MACROD2: variants seen among roughly 807,000 people sequenced by gnomAD.
MACROD2 encodes the protein mono-ADP ribosylhydrolase 2.
A neutral mutation model predicts 70.4 loss-of-function variants in MACROD2; 36 were observed. The observed-to-expected ratio is 0.51, with a 90% CI of 0.39 to 0.68. The LOEUF (loss-of-function observed/expected upper bound fraction) is 0.68, where lower values mean the gene tolerates loss of function less well. Among genes scored for constraint, MACROD2 ranks in the 30% least tolerant of loss-of-function variants. The pLI, the probability that MACROD2 is intolerant of heterozygous loss-of-function variation, is 0.00. For synonymous variants in MACROD2, 172 were observed against 178.8 expected, an observed-to-expected ratio of 0.96 and a Z score of 0.30; for missense variants, 496 against 538.4, an observed-to-expected ratio of 0.92 and a Z score of 0.78.
chr20:14,777,075 T>A (rs2072243538), intron 5 of MACROD2, among the ~76,000 whole-genome samples: 1 of 152,128 alleles, frequency 6.6e-6, no homozygotes, highest in South Asian at 2.1e-4. Context: ...TTGACGGGCA[T>A]TTGATTAGCT....
At chr20:14,275,826 CA>C (rs1378827742) in intron 3 of MACROD2, among the ~76,000 whole-genome samples, 7 of 152,012 alleles carry the variant, frequency 4.6e-5, no homozygotes, top group African/African-American at 1.7e-4. Context: ...AGGACATGAA[CA>C]GACACTTCTC....
intron 8 of MACROD2, among the ~76,000 whole-genome samples, chr20:15,564,803 T>C (rs1350750920): frequency 6.6e-6 from 1 of 152,226 alleles, no homozygotes; most frequent in Non-Finnish European, 1.5e-5. Context: ...TCATTATATA[T>C]GTATTTTTCC....
intron 8 of MACROD2, among the ~76,000 whole-genome samples, chr20:15,829,173 T>G (rs1337662592): frequency 6.6e-6 from 1 of 152,158 alleles, no homozygotes; most frequent in African/African-American, 2.4e-5. Flanking sequence ...AAAAGGATAT[T>G]ACTGTTCCTC....
At chr20:15,385,598 C>T (rs1029024439) in intron 6 of MACROD2, among the ~76,000 whole-genome samples, 1 of 152,226 alleles carries the variant, frequency 6.6e-6, no homozygotes, top group East Asian at 1.9e-4. Flanking sequence ...TCTCAGTGTC[C>T]TCTTGAGAAT....
intron 3 of MACROD2, among the ~76,000 whole-genome samples, chr20:14,151,201 ACATTATG>A (rs1302684663): frequency 1.3e-5 from 2 of 152,206 alleles, no homozygotes; most frequent in African/African-American, 2.4e-5. Context: ...TTTACATTAC[ACATTATG>A]CACTTAAAGG....
At chr20:14,198,319 T>A (rs905273110) in intron 3 of MACROD2, among the ~76,000 whole-genome samples, 1 of 152,126 alleles carries the variant, frequency 6.6e-6, no homozygotes, top group Non-Finnish European at 1.5e-5. Context: ...TTTATAGGAG[T>A]AAACAATGGA....
chr20:14,967,216 G>A (rs900974651), intron 5 of MACROD2, among the ~76,000 whole-genome samples: 1 of 151,724 alleles, frequency 6.6e-6, no homozygotes, highest in Non-Finnish European at 1.5e-5. Flanking sequence ...GTTTTGAGAC[G>A]GAGTCTCTCT....
rs551798015 is a variant in MACROD2 at position 14,679,752 on chromosome 20, T to A, written c.302-5091T>A. On this transcript the variant is annotated intron_variant, in intron 4 of 17. Coordinates refer to ENST00000684519, the MANE Select transcript of MACROD2 (RefSeq NM_001351661.2). ...TTTCTCCCACACGCTTTTTTTCAAG[T>A]GCCACAAATATAGCTCTGAAATAAT... Among the ~76,000 whole-genome samples, 5 of 152,022 alleles carry A rather than the reference T, an allele frequency of 3.3e-5. No individual in the cohort carries two copies. In the South Asian group the frequency reaches 1.0e-3, roughly 32 times the overall value.
chr20:14,782,154 C>T (rs2072310230), intron 5 of MACROD2, among the ~76,000 whole-genome samples: 1 of 151,970 alleles, frequency 6.6e-6, no homozygotes, highest in Non-Finnish European at 1.5e-5. Flanking sequence ...GAACTCCTGA[C>T]CTCAAGTGAT....
rs1568680636 is a variant in MACROD2 at position 14,577,795 on chromosome 20, A to AAGAGAAGAGAAGAGAAGAGAAGAGT, written c.301+84311_301+84312insTAGAGAAGAGAAGAGAAGAGAAGAG. Among the ~76,000 whole-genome samples, 60 of 18,832 alleles carry AAGAGAAGAGAAGAGAAGAGAAGAGT rather than the reference A, an allele frequency of 3.2e-3. No homozygotes were observed. In the Admixed American group the frequency reaches 0.033, roughly 10 times the overall value. The allele number at this position is 18,832 out of a possible 152,430, so 12.4% of individuals were successfully genotyped here. A position where few individuals can be genotyped will look rare whatever the true frequency, so the allele number is the denominator to read the frequency against. Reference sequence around the variant, plus strand: ...AGATCATTTCTTAAAAAGAAAAGGAAAGAGAAGAGAAGAGAAGAGAAGAGA... The same window carrying AAGAGAAGAGAAGAGAAGAGAAGAGT: ...AGATCATTTCTTAAAAAGAAAAGGAAAGAGAAGAGAAGAGAAGAGAAGAGTAGAGAAGAGAAGAGAAGAGAAGAGA... On this transcript the variant is annotated intron_variant, in intron 4 of 17. Coordinates refer to ENST00000684519, the MANE Select transcript of MACROD2 (RefSeq NM_001351661.2).
chr20:15,540,208 G>A (rs550207782), intron 8 of MACROD2, among the ~76,000 whole-genome samples: 7 of 152,318 alleles, frequency 4.6e-5, no homozygotes, highest in African/African-American at 1.4e-4. Flanking sequence ...TGGGGAAGTA[G>A]GATGGTGGGT....
At chr20:15,233,856 T>G (rs1198903175) in intron 6 of MACROD2, among the ~76,000 whole-genome samples, 1 of 149,958 alleles carries the variant, frequency 6.7e-6, no homozygotes, top group Non-Finnish European at 1.5e-5. Flanking sequence ...TCATGCCTCC[T>G]AGACCTAGTC....
intron 8 of MACROD2, among the ~76,000 whole-genome samples, chr20:15,667,279 G>C (rs1369659149): frequency 6.6e-6 from 1 of 152,082 alleles, no homozygotes; most frequent in Non-Finnish European, 1.5e-5. Context: ...CATATGATGT[G>C]CACGCTCCCG....
At chr20:15,523,492 G>A (rs867308876) in intron 8 of MACROD2, among the ~76,000 whole-genome samples, 5 of 152,086 alleles carry the variant, frequency 3.3e-5, no homozygotes, top group South Asian at 2.1e-4. Flanking sequence ...TTTTGTGCAG[G>A]GAGAGTTATT....
At chr20:15,066,386 G>A (rs988695199) in intron 5 of MACROD2, among the ~76,000 whole-genome samples, 2 of 151,480 alleles carry the variant, frequency 1.3e-5, no homozygotes, top group Non-Finnish European at 2.9e-5. Flanking sequence ...TGCCCACCTC[G>A]GCCTCCCAAA....
At chr20:14,491,934 A>C (rs1233325046) in intron 3 of MACROD2, among the ~76,000 whole-genome samples, 1 of 152,154 alleles carries the variant, frequency 6.6e-6, no homozygotes, top group East Asian at 1.9e-4. Flanking sequence ...GTGAAATTTC[A>C]TGTGGTTTTA....
chr20:15,500,086 A>AT (rs897952793), intron 8 of MACROD2, among the ~76,000 whole-genome samples: 13 of 152,174 alleles, frequency 8.5e-5, no homozygotes, highest in Non-Finnish European at 1.3e-4. Flanking sequence ...CCATAATCTA[A>AT]TTTTTTTACA....
At chr20:15,480,669 AT>A (rs1293447700) in intron 7 of MACROD2, among the ~76,000 whole-genome samples, 1 of 152,110 alleles carries the variant, frequency 6.6e-6, no homozygotes, top group African/African-American at 2.4e-5. Flanking sequence ...AGGATGGGAC[AT>A]TGGGAGAAAG....
chr20:15,906,212 C>T (rs1399931016), intron 10 of MACROD2, among the ~76,000 whole-genome samples: 1 of 152,206 alleles, frequency 6.6e-6, no homozygotes, highest in Non-Finnish European at 1.5e-5. Flanking sequence ...CATTCAGCCA[C>T]TTATGGTGTA....
Sources: allele counts gnomAD v4.1 joint callset (sites outside exome capture counted in the v4.1 genomes callset), GRCh38; gene constraint gnomAD v4.1.1; transcripts MANE v1.5; gene names NCBI Gene and HGNC (gene_info 2026-07-23, HGNC 2026-07-21).